ROPN1L: variants seen among roughly 807,000 people sequenced by gnomAD.
The protein encoded by ROPN1L is rhophilin associated tail protein 1 like.
In ROPN1L, 23 loss-of-function variants were observed where a neutral mutation model predicts 22.7. The observed-to-expected ratio is 1.01, with a 90% confidence interval of 0.73 to 1.43. The LOEUF is 1.43. ROPN1L is among the 40% of genes most tolerant of loss of function. The probability of loss-of-function intolerance (pLI) is 0.00; values close to 1 mark genes in which losing one functional copy is unlikely to be tolerated. For synonymous variants in ROPN1L, 116 were observed against 117.8 expected (o/e 0.98, Z 0.10); for missense variants, 271 against 291.5 (o/e 0.93, Z 0.51).
In ROPN1L at chr5:10,448,323, G is replaced by A. The variant is rs766970316; in HGVS notation, c.195G>A (p.Thr65=). 34 of 1,614,060 alleles carry A rather than the reference G, an allele frequency of 2.1e-5. No homozygotes were observed. The highest frequency in any genetic ancestry group is 3.3e-4 in the Middle Eastern group (2 of 6,084). The change falls in exon 2 of 5, where the codon ACG becomes ACA. Residue 65 remains threonine, a synonymous_variant. Transcript: ENST00000274134. ...TAAAGGACAGAATGGAAATGCCCAC[G>A]GCAACCCAGAAAACAGACACAGGCC... ...LPVKDRMEMP[T]ATQKTDTGLT... is the part of the protein sequence containing the mutation.
chr5:10,452,317 G>GTGTC (rs1554029746), intron 3 of ROPN1L, among the ~76,000 whole-genome samples: 4,121 of 142,108 alleles, frequency 0.029, 172 homozygotes, highest in African/African-American at 0.11. Context: ...GTGTGTGTCT[G>GTGTC]TGTGTGTGTG....
intron 4 of ROPN1L, among the ~76,000 whole-genome samples, chr5:10,471,461 C>T (rs974725005): frequency 1.3e-5 from 2 of 152,080 alleles, no homozygotes; most frequent in African/African-American, 4.8e-5. Flanking sequence ...CCTTGATTTT[C>T]AATTGGGGAA....
chr5:10,479,713 C>T, the ROPN1L span, among the ~76,000 whole-genome samples: 75 of 151,602 alleles, frequency 4.9e-4, no homozygotes, highest in East Asian at 1.9e-3. Context: ...ACTAAATGCA[C>T]GGCACGGCTT....
rs1741334757 is a variant in ROPN1L at position 10,453,918 on chromosome 5, T to A, written c.417+3805T>A. Among the ~76,000 whole-genome samples the A allele has an allele frequency of 2.6e-5, 4 of 152,302 alleles. No individual in the cohort carries two copies. The South Asian group carries it at 8.3e-4, about 32-fold the overall frequency. On this transcript the variant is annotated intron_variant, in intron 3 of 4. Coordinates refer to ENST00000274134, the MANE Select transcript of ROPN1L (RefSeq NM_031916.5). ...ATCACCAGACTCTTGGAGCTGATGT[T>A]CTGTTATATCCTTGAAGCCCTGAAC...
chr5:10,451,314 A>C (rs1741244882), intron 3 of ROPN1L, among the ~76,000 whole-genome samples: 1 of 152,182 alleles, frequency 6.6e-6, no homozygotes. Context: ...ATGCACCAAC[A>C]GTCACTTCCA....
At chr5:10,473,252 T>C (rs1313684648), downstream of ROPN1L, among the ~76,000 whole-genome samples, 1 of 152,218 alleles carries the variant, frequency 6.6e-6, no homozygotes, top group Admixed American at 6.5e-5. Flanking sequence ...AAAGGGTCTT[T>C]GTAGATGTCG....
downstream of ROPN1L, among the ~76,000 whole-genome samples, chr5:10,476,603 T>C (rs1475785956): frequency 6.6e-6 from 1 of 152,236 alleles, no homozygotes; most frequent in Non-Finnish European, 1.5e-5. Flanking sequence ...GATAAGTCAG[T>C]TTTAAAGAAC....
At position 10,450,026 on chromosome 5, in the gene ROPN1L, A is replaced by T. The variant is rs1741202860; in HGVS notation, c.330A>T (p.Lys110Asn). 1.2e-6 allele frequency: 2 copies of T among 1,613,978 alleles called. No homozygotes were observed. The highest frequency in any genetic ancestry group is 1.3e-5 in the African/African-American group (1 of 74,922). ...KWKNLCLPKE[K>N]FKALLQLDPC... ...AGAACTTGTGCCTGCCGAAGGAAAA[A>T]TTCAAAGCGCTCTTACAACTGGATC... Residue 110 changes from lysine (K) to asparagine (N), a missense_variant, in exon 3 of 5, where the codon AAA (lysine) becomes AAT (asparagine). By Grantham distance (94) the Lys-to-Asn change is moderately conservative (BLOSUM62 0). Transcript: ENST00000274134.
intron 4 of ROPN1L, among the ~76,000 whole-genome samples, chr5:10,462,208 A>G (rs1441641533): frequency 6.6e-6 from 1 of 152,248 alleles, no homozygotes; most frequent in Non-Finnish European, 1.5e-5. Flanking sequence ...ACAAGCATAA[A>G]GAAAGAACTC....
At chr5:10,445,332 A>G (rs2126427622) in intron 1 of ROPN1L, among the ~76,000 whole-genome samples, 1 of 152,300 alleles carries the variant, frequency 6.6e-6, no homozygotes, top group South Asian at 2.1e-4. Flanking sequence ...TATATATGTA[A>G]TTGTAGGTTC....
At chr5:10,443,786 G>C (rs1385131235) in intron 1 of ROPN1L, among the ~76,000 whole-genome samples, 1 of 152,120 alleles carries the variant, frequency 6.6e-6, no homozygotes, top group Non-Finnish European at 1.5e-5. Flanking sequence ...CTGGCTTCTA[G>C]AGCTGCATTT....
intron 3 of ROPN1L, among the ~76,000 whole-genome samples, chr5:10,452,048 G>A (rs1362362065): frequency 6.6e-6 from 1 of 152,024 alleles, no homozygotes; most frequent in Non-Finnish European, 1.5e-5. Context: ...GTGCAATGGT[G>A]TGATCTTGAC....
downstream of ROPN1L, among the ~76,000 whole-genome samples, chr5:10,467,662 G>A (rs1221630127): frequency 2.0e-5 from 3 of 152,216 alleles, no homozygotes; most frequent in African/African-American, 7.2e-5. Context: ...TGCTACCTGA[G>A]GAGATTTTAA....
intron 3 of ROPN1L, among the ~76,000 whole-genome samples, chr5:10,459,958 G>A (rs1036891793): frequency 1.3e-5 from 2 of 152,190 alleles, no homozygotes; most frequent in African/African-American, 4.8e-5. Flanking sequence ...GGGGGGTTAC[G>A]TTTAAGCAGC....
intron 3 of ROPN1L, among the ~76,000 whole-genome samples, chr5:10,455,355 GAGA>G (rs1255103260): frequency 3.3e-5 from 5 of 152,244 alleles, no homozygotes; most frequent in African/African-American, 9.6e-5. Context: ...TGCAGCCCGT[GAGA>G]AGAAGACACA....
chr5:10,452,323 G>C (rs1362635950), intron 3 of ROPN1L, among the ~76,000 whole-genome samples: 13 of 148,322 alleles, frequency 8.8e-5, no homozygotes, highest in African/African-American at 3.0e-4. Context: ...GTCTGTGTGT[G>C]TGTGTGTGTG....
downstream of ROPN1L, chr5:10,465,096 A>AT (rs1735129552): frequency 2.1e-6 from 1 of 465,712 alleles, no homozygotes; most frequent in East Asian, 3.4e-5. Flanking sequence ...CTGATTCATG[A>AT]TTGCTTTTCA....
the ROPN1L span, among the ~76,000 whole-genome samples, chr5:10,478,482 G>A: frequency 6.6e-6 from 1 of 152,200 alleles, no homozygotes; most frequent in Non-Finnish European, 1.5e-5. Flanking sequence ...CTGGCTGGGG[G>A]TGGGGGTCCT....
chr5:10,461,824 T>C (rs1394538313), intron 4 of ROPN1L, among the ~76,000 whole-genome samples: 1 of 152,196 alleles, frequency 6.6e-6, no homozygotes, highest in Non-Finnish European at 1.5e-5. Flanking sequence ...CAAAGGATAT[T>C]TTAAAGGCTA....
Sources: gnomAD v4.1 joint callset for allele counts (sites outside exome capture counted in the v4.1 genomes callset) on GRCh38, gnomAD v4.1.1 for gene constraint, MANE v1.5 for transcripts, NCBI Gene and HGNC (gene_info 2026-07-23, HGNC 2026-07-21) for gene names.